SV2B: variants seen among roughly 807,000 people sequenced by gnomAD.
The protein encoded by SV2B is solute carrier family 22 member B2.
SV2B carries 41 observed loss-of-function variants against 73.9 expected under a neutral mutation model. That is an observed-to-expected ratio of 0.56 (90% CI 0.43 to 0.72). The LOEUF is 0.72. SV2B is among the 30% of genes least tolerant of loss of function. The pLI is 0.00. For missense variants in SV2B, 764 were observed against 857.8 expected (o/e 0.89, Z 1.37); for synonymous variants, 314 against 314.2 (o/e 1.00, Z 0.01).
intron 1 of SV2B, among the ~76,000 whole-genome samples, chr15:91,191,334 G>C (rs1466330467): frequency 6.6e-6 from 1 of 152,052 alleles, no homozygotes; most frequent in Admixed American, 6.6e-5. Context: ...TCTTTGGCCT[G>C]CTGAGCCCAG....
In SV2B at chr15:91,136,786, G is replaced by A. The variant is rs1330108618; in HGVS notation, c.-392+36423G>A. Among the ~76,000 whole-genome samples the A allele has an allele frequency of 3.3e-5, 5 of 152,118 alleles. No individual in the cohort carries two copies. Among genetic ancestry groups the A allele is most frequent in the African/African-American group, 1.2e-4 (5 of 41,428 alleles). On this transcript the variant is annotated intron_variant, in intron 1 of 12. Coordinates refer to ENST00000394232, the MANE Select transcript of SV2B (RefSeq NM_001323032.3). The surrounding 1 kb of genome is among the most constrained non-coding windows in gnomAD (Gnocchi z 5.6). Reference sequence around the variant, plus strand: ...ACCAGCTCTCCTGCTGTGCCAAGAGGCATCTGAAGGCTGGCACATGGGATC... The same window carrying A: ...ACCAGCTCTCCTGCTGTGCCAAGAGACATCTGAAGGCTGGCACATGGGATC...
At chr15:91,147,004 C>A (rs558885891) in intron 1 of SV2B, among the ~76,000 whole-genome samples, 1 of 152,318 alleles carries the variant, frequency 6.6e-6, no homozygotes, top group South Asian at 2.1e-4. Flanking sequence ...AATTCATGAG[C>A]CTACACGTTG....
At chr15:91,282,271 C>T (rs1193696513) in intron 10 of SV2B, among the ~76,000 whole-genome samples, 2 of 152,182 alleles carry the variant, frequency 1.3e-5, no homozygotes, top group Non-Finnish European at 2.9e-5. Context: ...AAATGCAAGA[C>T]TCATGTTCTC....
intron 6 of SV2B, among the ~76,000 whole-genome samples, chr15:91,263,920 G>A (rs2048015185): frequency 6.6e-6 from 1 of 152,202 alleles, no homozygotes; most frequent in African/African-American, 2.4e-5. Flanking sequence ...CTTATGCACA[G>A]TAGGTTACTA....
At chr15:91,194,165 A>AT in intron 1 of SV2B, among the ~76,000 whole-genome samples, 1 of 152,002 alleles carries the variant, frequency 6.6e-6, no homozygotes, top group Admixed American at 6.6e-5. Context: ...AGAAGACAGT[A>AT]TTTCAGCTGA....
intron 9 of SV2B, among the ~76,000 whole-genome samples, chr15:91,272,609 GT>G (rs1480833041): frequency 6.6e-6 from 1 of 152,102 alleles, no homozygotes; most frequent in Non-Finnish European, 1.5e-5. Context: ...GCTCTCTTGA[GT>G]TTTTAGTAAA....
At position 91,238,044 on chromosome 15, in the gene SV2B, C is replaced by T. The variant is rs1030515209; in HGVS notation, c.451+11330C>T. ...GATTTTCCTGTCCTGTGTTGCCACTCATTGTTACTGTGGGTTCCTTTATAT... is the reference window on the plus strand; with the variant it reads ...GATTTTCCTGTCCTGTGTTGCCACTTATTGTTACTGTGGGTTCCTTTATAT... On this transcript the variant is annotated intron_variant, in intron 2 of 12. Transcript: ENST00000394232. 4.6e-5 allele frequency among the ~76,000 whole-genome samples: 7 copies of T among 152,164 alleles called. No homozygotes were observed. The East Asian group carries it at 1.2e-3, about 25-fold the overall frequency.
chr15:91,261,918 A>G lies in SV2B; in HGVS notation c.1008+1509A>G, dbSNP rs369219098. The stretch of plus-strand genomic sequence containing the variant: ...TAGGCATCTTTGTGCACCCGTTTTT[A>G]TAACTTCCCCTACTTCAAATCCATT... On this transcript the variant is annotated intron_variant, in intron 6 of 12. Coordinates refer to ENST00000394232, the MANE Select transcript of SV2B (RefSeq NM_001323032.3). The surrounding 1 kb of genome is among the most constrained non-coding windows in gnomAD (Gnocchi z 4.7). 2.4e-4 allele frequency among the ~76,000 whole-genome samples: 36 copies of G among 152,328 alleles called. No homozygotes were observed. The highest frequency in any genetic ancestry group is 1.2e-3 in the Admixed American group (19 of 15,298).
At chr15:91,191,476 G>A (rs1191698830) in intron 1 of SV2B, among the ~76,000 whole-genome samples, 1 of 152,114 alleles carries the variant, frequency 6.6e-6, no homozygotes, top group African/African-American at 2.4e-5. Context: ...TGTTAAGCCA[G>A]TTTAGCAAAA....
In SV2B at chr15:91,299,246, C is replaced by A. The variant is rs147825528; in HGVS notation, c.*6694C>A. On this transcript the variant is annotated 3_prime_UTR_variant, in exon 13 of 13. Transcript: ENST00000394232. ...GGAATTGCATAAAAATACTTACAAA[C>A]ATAACTATAAGCAATTGATGAGCAA... is the stretch of plus-strand genomic sequence containing the variant. 1.1e-4 allele frequency: 16 copies of A among 152,252 alleles called. No individual in the cohort carries two copies. Among genetic ancestry groups the A allele is most frequent in the African/African-American group, 3.9e-4 (16 of 41,538 alleles). 9.4% of individuals were successfully genotyped at this position (152,252 alleles called of 1,614,324 possible). A position where few individuals can be genotyped will look rare whatever the true frequency, so the allele number is the denominator to read the frequency against.
intron 1 of SV2B, among the ~76,000 whole-genome samples, chr15:91,186,849 C>T (rs2044790104): frequency 6.6e-6 from 1 of 151,936 alleles, no homozygotes; most frequent in Admixed American, 6.6e-5. Flanking sequence ...GCTTGTACCC[C>T]TAAATGTATA....
At position 91,300,021 on chromosome 15, in the gene SV2B, A is replaced by G. The variant is rs913419651; in HGVS notation, c.*7469A>G. On this transcript the variant is annotated 3_prime_UTR_variant, in exon 13 of 13. Transcript: ENST00000394232. Reference sequence around the variant, plus strand: ...TGTAAAAGTAGAAAACAAACCATCCATAGTGTGTGCATATATACACACAAG... The same window carrying G: ...TGTAAAAGTAGAAAACAAACCATCCGTAGTGTGTGCATATATACACACAAG... 1 of 152,216 alleles carries G rather than the reference A, an allele frequency of 6.6e-6. No homozygotes were observed. The highest frequency in any genetic ancestry group is 6.5e-5 in the Admixed American group (1 of 15,288). The allele number at this position is 152,216 out of a possible 1,614,324, so 9.4% of individuals were successfully genotyped here.
chr15:91,195,366 C>A (rs916516973), intron 1 of SV2B, among the ~76,000 whole-genome samples: 4 of 152,152 alleles, frequency 2.6e-5, no homozygotes, highest in African/African-American at 9.7e-5. Flanking sequence ...CACTGTGTTG[C>A]CCACACTGGT....
Position 91,242,853 on chromosome 15 carries a change from A to G in SV2B, c.452-8966A>G, listed in dbSNP as rs2047075262. ...TAGTAGGTGAAACTACTGTTTGGCT[A>G]GTAGTGTTTTAAAACTCAGAGATTT... On this transcript the variant is annotated intron_variant, in intron 2 of 12. Coordinates refer to ENST00000394232, the MANE Select transcript of SV2B (RefSeq NM_001323032.3). This position sits in a 1 kb window ranked among gnomAD's most constrained non-coding sequence, Gnocchi z 4.9. Among the ~76,000 whole-genome samples, 1 of 152,210 alleles carries G rather than the reference A, an allele frequency of 6.6e-6. No individual in the cohort carries two copies. The highest frequency in any genetic ancestry group is 2.4e-5 in the African/African-American group (1 of 41,454).
At chr15:91,180,906 C>G (rs1401241099) in intron 1 of SV2B, among the ~76,000 whole-genome samples, 1 of 152,254 alleles carries the variant, frequency 6.6e-6, no homozygotes, top group Non-Finnish European at 1.5e-5. Flanking sequence ...CAAAGTCTTT[C>G]TCTGTCCAGC....
At chr15:91,138,435 A>G (rs2042906398) in intron 1 of SV2B, among the ~76,000 whole-genome samples, 1 of 152,204 alleles carries the variant, frequency 6.6e-6, no homozygotes, top group African/African-American at 2.4e-5. Flanking sequence ...AATTTATGGG[A>G]GACACAGGGG....
intron 6 of SV2B, 152 bp from the exon 7 acceptor site, chr15:91,266,430 A>G: frequency 1.7e-6 from 1 of 581,148 alleles, no homozygotes; most frequent in Admixed American, 3.1e-5. Context: ...GAGGTGATGG[A>G]AACAGTTTTT....
chr15:91,149,487 G>A (rs2043244831), intron 1 of SV2B, among the ~76,000 whole-genome samples: 1 of 152,178 alleles, frequency 6.6e-6, no homozygotes, highest in African/African-American at 2.4e-5. Flanking sequence ...TGAGTTCTTA[G>A]GACATTTTCT....
chr15:91,216,262 G>T (rs944780453), intron 1 of SV2B, among the ~76,000 whole-genome samples: 2 of 152,100 alleles, frequency 1.3e-5, no homozygotes, highest in African/African-American at 4.8e-5. Flanking sequence ...AGCATCACAG[G>T]TGGTTAAAAC....
Sources: allele counts gnomAD v4.1 joint callset (sites outside exome capture counted in the v4.1 genomes callset), GRCh38; gene constraint gnomAD v4.1.1; non-coding constraint Gnocchi (gnomAD v3.1); transcripts MANE v1.5; gene names NCBI Gene and HGNC (gene_info 2026-07-23, HGNC 2026-07-21).